XKR4: variants seen among roughly 807,000 people sequenced by gnomAD.
XKR4 encodes the protein XK related 4, also known as XK-related protein 4.
In XKR4, 12 loss-of-function variants were observed where a neutral mutation model predicts 53.9. The ratio of observed to expected loss-of-function variants is 0.22; its 90% CI spans 0.14 to 0.36. The LOEUF is 0.36. XKR4 is among the 10% of genes least tolerant of loss of function. The pLI, the probability that XKR4 is intolerant of heterozygous loss-of-function variation, is 1.00. For missense variants in XKR4, 799 were observed against 859.5 expected (o/e 0.93, Z 0.88); for synonymous variants, 354 against 362.4 (o/e 0.98, Z 0.26).
chr8:55,193,465 G>T (rs534642217), intron 1 of XKR4, among the ~76,000 whole-genome samples: 1 of 152,086 alleles, frequency 6.6e-6, no homozygotes, highest in African/African-American at 2.4e-5. Context: ...TCTCTATCCG[G>T]CTGAGGCTGG....
intron 1 of XKR4, among the ~76,000 whole-genome samples, chr8:55,137,572 C>CTTTTTTT (rs369443865): frequency 7.6e-6 from 1 of 130,794 alleles, no homozygotes; most frequent in Non-Finnish European, 1.7e-5. Context: ...CAGAAGAGAA[C>CTTTTTTT]TTTTTTTTTT....
chr8:55,440,352 G>T (rs1190602416), intron 2 of XKR4, among the ~76,000 whole-genome samples: 1 of 152,028 alleles, frequency 6.6e-6, no homozygotes, highest in Non-Finnish European at 1.5e-5. Flanking sequence ...AAGAGTAATG[G>T]TATTAAAACA....
In XKR4 at chr8:55,526,310, G is replaced by T. The variant is rs570823088; in HGVS notation, c.*2083G>T. ...AGGAAGTAACAGAGGGCTCAACCTAGGACTTCTTTTGGTACAAAGCCCCAA... is the reference window on the plus strand; with the variant it reads ...AGGAAGTAACAGAGGGCTCAACCTATGACTTCTTTTGGTACAAAGCCCCAA... On this transcript the variant is annotated 3_prime_UTR_variant, in exon 3 of 3. Coordinates refer to ENST00000327381, the MANE Select transcript of XKR4 (RefSeq NM_052898.2). 9.2e-5 allele frequency: 14 copies of T among 152,244 alleles called. No homozygotes were observed. The East Asian group carries it at 1.5e-3, about 17-fold the overall frequency. 9.4% of individuals were successfully genotyped at this position (152,244 alleles called of 1,614,324 possible). A position where few individuals can be genotyped will look rare whatever the true frequency, so the allele number is the denominator to read the frequency against.
intron 2 of XKR4, among the ~76,000 whole-genome samples, chr8:55,423,022 TACATTA>T (rs1235880083): frequency 1.3e-5 from 2 of 152,132 alleles, no homozygotes; most frequent in Admixed American, 6.6e-5. Flanking sequence ...TGTCAACATG[TACATTA>T]ATAATATGCA....
chr8:55,505,541 A>T (rs1395566593), intron 2 of XKR4, among the ~76,000 whole-genome samples: 1 of 152,160 alleles, frequency 6.6e-6, no homozygotes, highest in East Asian at 1.9e-4. Context: ...ACAGAACAAG[A>T]CCCCATCTCA....
At chr8:55,237,417 A>T (rs1818149806) in intron 1 of XKR4, among the ~76,000 whole-genome samples, 1 of 152,244 alleles carries the variant, frequency 6.6e-6, no homozygotes, top group African/African-American at 2.4e-5. Context: ...TAGAGAAAAG[A>T]TAATGTTACT....
chr8:55,197,607 A>C lies in XKR4; in HGVS notation c.806+94313A>C, dbSNP rs939972653. On this transcript the variant is annotated intron_variant, in intron 1 of 2. Transcript: ENST00000327381. The stretch of plus-strand genomic sequence containing the variant: ...CACCCAGGCTGGAGTGCAGTGGCAC[A>C]ATCTCGGCTCACTGCAACCTCCGCC... Among the ~76,000 whole-genome samples, 5 of 151,096 alleles carry C rather than the reference A, an allele frequency of 3.3e-5. No homozygotes were observed. The East Asian group carries it at 9.7e-4, about 29-fold the overall frequency.
chr8:55,411,438 A>G (rs577672922), intron 2 of XKR4, among the ~76,000 whole-genome samples: 1 of 152,364 alleles, frequency 6.6e-6, no homozygotes, highest in South Asian at 2.1e-4. Flanking sequence ...TCAACAGTCA[A>G]CAAGCACTCA....
chr8:55,254,743 A>T (rs895450205), intron 1 of XKR4, among the ~76,000 whole-genome samples: 1 of 152,046 alleles, frequency 6.6e-6, no homozygotes, highest in Admixed American at 6.6e-5. Flanking sequence ...ACCTCCCCAC[A>T]TGCAGTGGCC....
At chr8:55,332,257 A>G (rs529642873) in intron 1 of XKR4, among the ~76,000 whole-genome samples, 1 of 152,264 alleles carries the variant, frequency 6.6e-6, no homozygotes, top group East Asian at 1.9e-4. Context: ...ATATCTTCAT[A>G]TAGCATATAC....
chr8:55,540,346 A>C lies in XKR4; in HGVS notation c.*16119A>C, dbSNP rs956858648. The stretch of plus-strand genomic sequence containing the variant: ...AAAAGGAGTGTCTCCCAATTAGTTT[A>C]CGTGTGTTAGTATTGCTGACATATT... On this transcript the variant is annotated 3_prime_UTR_variant, in exon 3 of 3. Transcript: ENST00000327381. 6 of 152,230 alleles carry C rather than the reference A, an allele frequency of 3.9e-5. No individual in the cohort carries two copies. The highest frequency in any genetic ancestry group is 8.8e-5 in the Non-Finnish European group (6 of 68,030). 9.4% of individuals were successfully genotyped at this position (152,230 alleles called of 1,614,324 possible).
chr8:55,345,309 A>G (rs889565850), intron 1 of XKR4, among the ~76,000 whole-genome samples: 2 of 152,146 alleles, frequency 1.3e-5, no homozygotes, highest in African/African-American at 4.8e-5. Flanking sequence ...AAGAAAAAAA[A>G]AAGAATAAAA....
intron 2 of XKR4, among the ~76,000 whole-genome samples, chr8:55,408,602 A>C (rs1804724599): frequency 6.6e-6 from 1 of 152,162 alleles, no homozygotes; most frequent in Non-Finnish European, 1.5e-5. Context: ...ATGTGGACAC[A>C]ATGGTCCTGA....
Position 55,537,795 on chromosome 8 carries a change from T to C in XKR4, c.*13568T>C, listed in dbSNP as rs975950191. On this transcript the variant is annotated 3_prime_UTR_variant, in exon 3 of 3. Transcript: ENST00000327381. ...CCCAGGCCCCACAACATCATCACTGTGAGTCCTATCGCAGATGTGTGTACC... is the reference window on the plus strand; with the variant it reads ...CCCAGGCCCCACAACATCATCACTGCGAGTCCTATCGCAGATGTGTGTACC... 6 of 152,230 alleles carry C rather than the reference T, an allele frequency of 3.9e-5. No individual in the cohort carries two copies. The highest frequency in any genetic ancestry group is 8.8e-5 in the Non-Finnish European group (6 of 68,036). The allele number at this position is 152,230 out of a possible 1,614,324, so 9.4% of individuals were successfully genotyped here. A position where few individuals can be genotyped will look rare whatever the true frequency, so the allele number is the denominator to read the frequency against.
At chr8:55,485,622 T>C (rs1230484286) in intron 2 of XKR4, among the ~76,000 whole-genome samples, 1 of 152,086 alleles carries the variant, frequency 6.6e-6, no homozygotes, top group Non-Finnish European at 1.5e-5. Context: ...CCTGCCCCCC[T>C]CAGCCTCCAA....
At chr8:55,345,311 A>C (rs1229844945) in intron 1 of XKR4, among the ~76,000 whole-genome samples, 1 of 152,104 alleles carries the variant, frequency 6.6e-6, no homozygotes, top group East Asian at 1.9e-4. Context: ...GAAAAAAAAA[A>C]GAATAAAAGA....
At chr8:55,404,089 T>C (rs779562067) in intron 2 of XKR4, among the ~76,000 whole-genome samples, 2 of 152,242 alleles carry the variant, frequency 1.3e-5, no homozygotes, top group Non-Finnish European at 2.9e-5. Context: ...GATGTGTATG[T>C]GTGCTTTTTT....
At chr8:55,305,086 T>A (rs1202254758) in intron 1 of XKR4, among the ~76,000 whole-genome samples, 1 of 152,108 alleles carries the variant, frequency 6.6e-6, no homozygotes, top group Non-Finnish European at 1.5e-5. Flanking sequence ...CCAGTGGCGA[T>A]GGGACTACAG....
intron 1 of XKR4, among the ~76,000 whole-genome samples, chr8:55,164,976 G>A (rs769857187): frequency 5.3e-5 from 8 of 152,136 alleles, no homozygotes; most frequent in Non-Finnish European, 1.2e-4. Context: ...TCACTCGGAG[G>A]CAAGGTGGTC....
Sources: allele counts gnomAD v4.1 joint callset (sites outside exome capture counted in the v4.1 genomes callset), GRCh38; gene constraint gnomAD v4.1.1; transcripts MANE v1.5; gene names NCBI Gene and HGNC (gene_info 2026-07-23, HGNC 2026-07-21).